XPR1: variants seen among roughly 807,000 people sequenced by gnomAD.
The protein encoded by XPR1 is xenotropic and polytropic retrovirus receptor 1, also known as solute carrier family 53 member 1.
Under a neutral mutation model 87.5 loss-of-function variants are expected in XPR1, and 28 were observed. The ratio of observed to expected loss-of-function variants is 0.32; its 90% confidence interval spans 0.24 to 0.44. The LOEUF is 0.44. XPR1 is among the 20% of genes least tolerant of loss of function. The pLI is 1.00. For synonymous variants in XPR1, 300 were observed against 306.1 expected, an observed-to-expected ratio of 0.98 and a Z score of 0.21; for missense variants, 559 against 862.3, an observed-to-expected ratio of 0.65 and a Z score of 4.41.
At chr1:180,786,572 T>G (rs1299862243) in intron 2 of XPR1, among the ~76,000 whole-genome samples, 2 of 152,210 alleles carry the variant, frequency 1.3e-5, no homozygotes, top group African/African-American at 2.4e-5. Context: ...GTTCCTGAAG[T>G]TACATATATC....
chr1:180,711,849 A>G (rs1657811593), intron 2 of XPR1, among the ~76,000 whole-genome samples: 1 of 152,162 alleles, frequency 6.6e-6, no homozygotes, highest in Non-Finnish European at 1.5e-5. Context: ...TTTTACATTT[A>G]GGTCTGTGTC....
chr1:180,729,083 C>T (rs1476365135), intron 2 of XPR1, among the ~76,000 whole-genome samples: 1 of 152,180 alleles, frequency 6.6e-6, no homozygotes, highest in Non-Finnish European at 1.5e-5. Flanking sequence ...TAAATGAGAA[C>T]ATGAGGTATT....
At chr1:180,663,729 G>T (rs12082519) in intron 1 of XPR1, among the ~76,000 whole-genome samples, 6,547 of 152,218 alleles carry the variant, frequency 0.043, 507 homozygotes, top group African/African-American at 0.15. Context: ...TCTCTTAAGG[G>T]TGGCAAGTTC....
intron 2 of XPR1, among the ~76,000 whole-genome samples, chr1:180,708,031 A>T (rs1414939608): frequency 6.6e-6 from 1 of 152,214 alleles, no homozygotes. Context: ...GAATTTAGAA[A>T]AGCTGAATAG....
chr1:180,717,492 G>A (rs1196298809), intron 2 of XPR1, among the ~76,000 whole-genome samples: 1 of 152,120 alleles, frequency 6.6e-6, no homozygotes, highest in Non-Finnish European at 1.5e-5. Flanking sequence ...ATTAGTGGCA[G>A]CCAAAAGTGT....
intron 2 of XPR1, among the ~76,000 whole-genome samples, chr1:180,764,645 T>C (rs1018314342): frequency 1.3e-5 from 2 of 151,800 alleles, no homozygotes; most frequent in Non-Finnish European, 2.9e-5. Context: ...AATGTTTGTA[T>C]TTTTTGTAGA....
At position 180,808,287 on chromosome 1, in the gene XPR1, C is replaced by CA. The variant is rs77203238; in HGVS notation, c.681+1745dup. ...GCTGAAACAGTTGAATTCCATATACCAAAAAAAAAAAAAAATGAGCTTTCA... is the reference window on the plus strand; with the variant it reads ...GCTGAAACAGTTGAATTCCATATACCAAAAAAAAAAAAAAAATGAGCTTTCA... On this transcript the variant is annotated intron_variant, in intron 6 of 14. Transcript: ENST00000367590. Among the ~76,000 whole-genome samples the CA allele has an allele frequency of 5.2e-3, 653 of 126,032 alleles. 5 individuals are homozygous for CA. Among genetic ancestry groups the CA allele is most frequent in the African/African-American group, 9.4e-3 (330 of 35,148 alleles). The allele number at this position is 126,032 out of a possible 152,430, so 82.7% of individuals were successfully genotyped here.
chr1:180,821,803 G>A (rs1650633475), intron 7 of XPR1, among the ~76,000 whole-genome samples: 1 of 152,110 alleles, frequency 6.6e-6, no homozygotes. Flanking sequence ...ATTGTAGTTA[G>A]AATTATTTTC....
chr1:180,751,103 C>G (rs1028417912), intron 2 of XPR1, among the ~76,000 whole-genome samples: 1 of 151,956 alleles, frequency 6.6e-6, no homozygotes, highest in African/African-American at 2.4e-5. Flanking sequence ...TGGATATTGT[C>G]TTTAACCTGA....
chr1:180,743,357 T>G (rs1164545835), intron 2 of XPR1, among the ~76,000 whole-genome samples: 2 of 152,178 alleles, frequency 1.3e-5, no homozygotes, highest in East Asian at 3.9e-4. Flanking sequence ...AACAGTCTAT[T>G]TAGGATTAAT....
At chr1:180,724,030 T>TA (rs945760434) in intron 2 of XPR1, among the ~76,000 whole-genome samples, 1 of 152,150 alleles carries the variant, frequency 6.6e-6, no homozygotes, top group Non-Finnish European at 1.5e-5. Context: ...CTTAGTTTAA[T>TA]AAAAAACCAG....
intron 2 of XPR1, among the ~76,000 whole-genome samples, chr1:180,764,427 C>CTT (rs1045779037): frequency 6.9e-6 from 1 of 145,514 alleles, no homozygotes; most frequent in Non-Finnish European, 1.5e-5. Flanking sequence ...AACCTGTAAT[C>CTT]TTTTTTTTTT....
At chr1:180,782,840 A>C (rs374108778) in intron 2 of XPR1, among the ~76,000 whole-genome samples, 89 of 151,990 alleles carry the variant, frequency 5.9e-4, no homozygotes, top group African/African-American at 2.0e-3. Context: ...TGATTTTTCT[A>C]TAAAACTTAT....
chr1:180,864,960 T>C, intron 12 of XPR1, among the ~76,000 whole-genome samples: 1 of 152,202 alleles, frequency 6.6e-6, no homozygotes, highest in East Asian at 1.9e-4. Context: ...AATTCTGTGA[T>C]GGAGAGGGAA....
At chr1:180,853,056 A>G (rs1272872983) in intron 11 of XPR1, among the ~76,000 whole-genome samples, 2 of 151,988 alleles carry the variant, frequency 1.3e-5, no homozygotes, top group Non-Finnish European at 2.9e-5. Flanking sequence ...TCAGCCTCCC[A>G]AGTAGCTGGA....
chr1:180,665,807 C>T (rs891664429), intron 1 of XPR1, among the ~76,000 whole-genome samples: 25 of 152,144 alleles, frequency 1.6e-4, no homozygotes, highest in African/African-American at 6.0e-4. Flanking sequence ...TTCAGTGATA[C>T]AGAGTAAAAA....
At chr1:180,882,967 G>GTTTTTTTTTTTTTTTTT (rs1156645233) in intron 14 of XPR1, among the ~76,000 whole-genome samples, 175 of 150,554 alleles carry the variant, frequency 1.2e-3, no homozygotes, top group African/African-American at 4.2e-3. Flanking sequence ...TTGGGGGTTG[G>GTTTTTTTTTTTTTTTTT]TTGTTTTTTT....
intron 2 of XPR1, among the ~76,000 whole-genome samples, chr1:180,753,554 TAA>T (rs749095671): frequency 4.2e-4 from 58 of 138,168 alleles, no homozygotes; most frequent in Non-Finnish European, 3.5e-4. Context: ...ACCCTGTCTT[TAA>T]AAAAAAAAAA....
intron 1 of XPR1, among the ~76,000 whole-genome samples, chr1:180,680,975 A>G (rs1200660530): frequency 6.6e-6 from 1 of 152,238 alleles, no homozygotes; most frequent in Non-Finnish European, 1.5e-5. Context: ...TAAACACCAC[A>G]TGTTCTCACT....
Sources: allele counts gnomAD v4.1 joint callset (sites outside exome capture counted in the v4.1 genomes callset), GRCh38; gene constraint gnomAD v4.1.1; transcripts MANE v1.5; gene names NCBI Gene and HGNC (gene_info 2026-07-23, HGNC 2026-07-21).